PRKN: variants seen among roughly 807,000 people sequenced by gnomAD.
The protein encoded by PRKN is parkin RBR E3 ubiquitin protein ligase.
PRKN carries 56 observed loss-of-function variants against 59.5 expected under a neutral mutation model. That is an observed-to-expected ratio of 0.94 (90% CI 0.76 to 1.18). The LOEUF (loss-of-function observed/expected upper bound fraction) is 1.18. PRKN is among the 50% of genes most tolerant of loss of function. The pLI is 0.00. For synonymous variants in PRKN, 250 were observed against 222.1 expected, an observed-to-expected ratio of 1.13 and a Z score of -1.12; for missense variants, 657 against 596.4, an observed-to-expected ratio of 1.10 and a Z score of -1.06.
intron 5 of PRKN, among the ~76,000 whole-genome samples, chr6:162,023,972 T>C (rs1358559319): frequency 1.3e-5 from 2 of 151,844 alleles, no homozygotes; most frequent in African/African-American, 4.8e-5. Flanking sequence ...TCTTTGGCTA[T>C]TTGGACTCTT....
chr6:161,773,312 C>T lies in PRKN; in HGVS notation c.871+12460G>A, dbSNP rs925730589. Among the ~76,000 whole-genome samples the T allele has an allele frequency of 2.0e-5, 3 of 152,266 alleles. No individual in the cohort carries two copies. The South Asian group carries it at 6.2e-4, about 32-fold the overall frequency. On this transcript the variant is annotated intron_variant, in intron 7 of 11. Coordinates refer to ENST00000366898, the MANE Select transcript of PRKN (RefSeq NM_004562.3). ...AGGTCAATTAGTATTTTATTGACTA[C>T]GTTAGAATCCTCCCAGCCTCAGGAG...
At chr6:162,198,500 T>C (rs939104095) in intron 4 of PRKN, among the ~76,000 whole-genome samples, 1 of 152,048 alleles carries the variant, frequency 6.6e-6, no homozygotes, top group African/African-American at 2.4e-5. Flanking sequence ...GTAATATTAA[T>C]AGAATAACAA....
intron 6 of PRKN, among the ~76,000 whole-genome samples, chr6:161,924,292 C>G (rs1030621897): frequency 1.1e-4 from 17 of 152,188 alleles, no homozygotes; most frequent in African/African-American, 4.1e-4. Context: ...AGGAAGGCCT[C>G]ACTGATCCTC....
chr6:162,165,903 C>T (rs1316879174), intron 4 of PRKN, among the ~76,000 whole-genome samples: 7 of 151,834 alleles, frequency 4.6e-5, no homozygotes, highest in Non-Finnish European at 8.8e-5. Context: ...CAAAAATTAG[C>T]CGGGTGTGGT....
At chr6:162,170,636 C>G (rs1488089151) in intron 4 of PRKN, among the ~76,000 whole-genome samples, 4 of 152,160 alleles carry the variant, frequency 2.6e-5, no homozygotes, top group Non-Finnish European at 4.4e-5. Flanking sequence ...ACTATTGGAA[C>G]CTCTGAGAAA....
chr6:161,679,526 GCT>G (rs918500756), intron 7 of PRKN, among the ~76,000 whole-genome samples: 118 of 149,562 alleles, frequency 7.9e-4, no homozygotes, highest in African/African-American at 2.7e-3. Context: ...TCCCGCTTGG[GCT>G]CTTTCTTGGC....
intron 1 of PRKN, among the ~76,000 whole-genome samples, chr6:162,651,512 G>C (rs1262417228): frequency 6.6e-6 from 1 of 152,172 alleles, no homozygotes; most frequent in African/African-American, 2.4e-5. Context: ...AGTTTGAGGA[G>C]ACACATTAAC....
chr6:162,457,706 A>C (rs1237759581), intron 1 of PRKN, among the ~76,000 whole-genome samples: 1 of 152,146 alleles, frequency 6.6e-6, no homozygotes, highest in Non-Finnish European at 1.5e-5. Flanking sequence ...CTCACACTGT[A>C]ATGAGTGTGT....
At position 162,469,489 on chromosome 6, in the gene PRKN, G is replaced by GGTGTGT. The variant is rs1302047953; in HGVS notation, c.8-26017_8-26016insACACAC. On this transcript the variant is annotated intron_variant, in intron 1 of 11. Coordinates refer to ENST00000366898, the MANE Select transcript of PRKN (RefSeq NM_004562.3). ...ATCAATGAGTGGATCAAGAAACTGT[G>GGTGTGT]GTATGTGTGTGTGTGTGTATACACA... Among the ~76,000 whole-genome samples, 9 of 125,342 alleles carry GGTGTGT rather than the reference G, an allele frequency of 7.2e-5. No homozygotes were observed. In the East Asian group the frequency reaches 2.2e-3, roughly 31 times the overall value. The allele number at this position is 125,342 out of a possible 152,430, so 82.2% of individuals were successfully genotyped here. A position where few individuals can be genotyped will look rare whatever the true frequency, so the allele number is the denominator to read the frequency against.
chr6:161,943,947 G>C, intron 6 of PRKN, among the ~76,000 whole-genome samples: 1 of 51,432 alleles, frequency 1.9e-5, no homozygotes, highest in East Asian at 5.3e-4. Flanking sequence ...GAAGCAGCCT[G>C]AGGGATCAGC....
intron 7 of PRKN, among the ~76,000 whole-genome samples, chr6:161,751,932 T>C (rs1788710895): frequency 6.6e-6 from 1 of 152,116 alleles, no homozygotes; most frequent in African/African-American, 2.4e-5. Flanking sequence ...GCAAAGGCCC[T>C]GCACGGGAAG....
intron 4 of PRKN, among the ~76,000 whole-genome samples, chr6:162,143,450 G>C (rs1781873403): frequency 6.6e-6 from 1 of 152,068 alleles, no homozygotes; most frequent in Non-Finnish European, 1.5e-5. Flanking sequence ...CAGAGATCCT[G>C]GTTCTCAGTG....
Position 161,584,307 on chromosome 6 carries a change from C to T in PRKN, c.872-14891G>A, listed in dbSNP as rs931482340. Among the ~76,000 whole-genome samples the T allele has an allele frequency of 2.6e-5, 4 of 152,154 alleles. No individual in the cohort carries two copies. Among genetic ancestry groups the T allele is most frequent in the African/African-American group, 9.7e-5 (4 of 41,430 alleles). On this transcript the variant is annotated intron_variant, in intron 7 of 11. Transcript: ENST00000366898. The surrounding 1 kb of genome is among the most constrained non-coding windows in gnomAD (Gnocchi z 4.8). ...ATCAAATAGGACACCAGAGCCCAAC[C>T]TTTCTATTTCAGCTGGTGACTCATA...
intron 8 of PRKN, among the ~76,000 whole-genome samples, chr6:161,557,543 G>A (rs559392409): frequency 1.9e-3 from 291 of 152,218 alleles, no homozygotes; most frequent in African/African-American, 6.6e-3. Flanking sequence ...GAGAAGTGTG[G>A]CTATGGGGAA....
At chr6:162,362,290 T>G (rs1583440993) in intron 2 of PRKN, among the ~76,000 whole-genome samples, 1 of 152,302 alleles carries the variant, frequency 6.6e-6, no homozygotes, top group Admixed American at 6.5e-5. Flanking sequence ...GTAAAATATA[T>G]GTTTTGTATG....
intron 9 of PRKN, among the ~76,000 whole-genome samples, chr6:161,427,615 A>G (rs2115043397): frequency 6.6e-6 from 1 of 152,306 alleles, no homozygotes; most frequent in East Asian, 1.9e-4. Flanking sequence ...TGAAAGTGAA[A>G]CACAATTGGA....
rs572602303 is a variant in PRKN, at chr6:162,557,827, C to T, written c.8-114354G>A. Among the ~76,000 whole-genome samples, 6 of 152,192 alleles carry T rather than the reference C, an allele frequency of 3.9e-5. No individual in the cohort carries two copies. In the South Asian group the frequency reaches 1.2e-3, roughly 32 times the overall value. On this transcript the variant is annotated intron_variant, in intron 1 of 11. Transcript: ENST00000366898. Reference sequence around the variant, plus strand: ...GCTCGGCGGATGGTGCTGTTAACAACAGTATCTATCCTTGACAATATAGGG... The same window carrying T: ...GCTCGGCGGATGGTGCTGTTAACAATAGTATCTATCCTTGACAATATAGGG...
At chr6:162,279,689 C>A (rs913462881) in intron 2 of PRKN, among the ~76,000 whole-genome samples, 2 of 152,076 alleles carry the variant, frequency 1.3e-5, no homozygotes, top group African/African-American at 4.8e-5. Flanking sequence ...CTATTAGGAC[C>A]GCTTGGTCTA....
intron 1 of PRKN, among the ~76,000 whole-genome samples, chr6:162,511,995 A>T (rs1296991237): frequency 6.6e-6 from 1 of 152,188 alleles, no homozygotes; most frequent in Non-Finnish European, 1.5e-5. Flanking sequence ...ACAACACCTT[A>T]TATTTATGCT....
Sources: allele counts gnomAD v4.1 joint callset (sites outside exome capture counted in the v4.1 genomes callset), GRCh38; gene constraint gnomAD v4.1.1; non-coding constraint Gnocchi (gnomAD v3.1); transcripts MANE v1.5; gene names NCBI Gene and HGNC (gene_info 2026-07-23, HGNC 2026-07-21).